NRCAM: variants seen among roughly 807,000 people sequenced by gnomAD.
NRCAM encodes the protein NgCAM-related cell adhesion molecule.
NRCAM carries 83 observed loss-of-function variants against 156.5 expected under a neutral mutation model. The ratio of observed to expected loss-of-function variants is 0.53; its 90% CI spans 0.44 to 0.64. NRCAM has a LOEUF of 0.64. NRCAM is among the 30% of genes least tolerant of loss of function. The pLI is 0.00. For missense variants in NRCAM, 1,417 were observed against 1,597.3 expected, an observed-to-expected ratio of 0.89 and a Z score of 1.92; for synonymous variants, 538 against 563.9, an observed-to-expected ratio of 0.95 and a Z score of 0.65.
At chr7:108,348,441 G>A (rs2099386047) in intron 2 of NRCAM, among the ~76,000 whole-genome samples, 1 of 152,178 alleles carries the variant, frequency 6.6e-6, no homozygotes, top group Non-Finnish European at 1.5e-5. Context: ...TCCTTGGGCA[G>A]GGAACAGGAG....
intron 11 of NRCAM, among the ~76,000 whole-genome samples, chr7:108,223,414 G>A (rs1011319661): frequency 7.2e-5 from 11 of 151,998 alleles, no homozygotes; most frequent in African/African-American, 2.7e-4. Context: ...CAGTCACAAG[G>A]TGATTACTGA....
intron 1 of NRCAM, among the ~76,000 whole-genome samples, chr7:108,403,686 A>T (rs1260750636): frequency 6.6e-6 from 1 of 152,208 alleles, no homozygotes; most frequent in Non-Finnish European, 1.5e-5. Flanking sequence ...AAATGAGGCC[A>T]TAGTTGAGAT....
chr7:108,236,651 G>A (rs2095047632), intron 5 of NRCAM, among the ~76,000 whole-genome samples: 1 of 152,130 alleles, frequency 6.6e-6, no homozygotes, highest in African/African-American at 2.4e-5. Flanking sequence ...AAAATTCTCA[G>A]TGTATACCAA....
chr7:108,208,230 C>T (rs187245406), intron 12 of NRCAM, among the ~76,000 whole-genome samples: 5 of 151,928 alleles, frequency 3.3e-5, no homozygotes, highest in South Asian at 2.1e-4. Flanking sequence ...TGCTTGAACC[C>T]GGGAGGTGGA....
chr7:108,209,375 C>T (rs2082857724), intron 12 of NRCAM, 46 bp downstream of exon 12: 3 of 1,289,426 alleles, frequency 2.3e-6, no homozygotes, highest in Non-Finnish European at 3.2e-6. Context: ...ATTAAAGTTT[C>T]AGGGTCTCTC....
intron 3 of NRCAM, among the ~76,000 whole-genome samples, chr7:108,301,549 T>C (rs1270666952): frequency 6.6e-6 from 1 of 152,144 alleles, no homozygotes; most frequent in Admixed American, 6.5e-5. Context: ...CCTCTGACCA[T>C]CCCATCTCAT....
intron 30 of NRCAM, among the ~76,000 whole-genome samples, chr7:108,164,138 T>G (rs1323767980): frequency 8.3e-5 from 4 of 48,234 alleles, no homozygotes; most frequent in East Asian, 4.6e-4. Context: ...TCATACCGGG[T>G]GGGGTGGCGG....
chr7:108,398,397 C>T (rs2099782946), intron 2 of NRCAM, among the ~76,000 whole-genome samples: 1 of 152,158 alleles, frequency 6.6e-6, no homozygotes, highest in African/African-American at 2.4e-5. Flanking sequence ...CGCTCTCCCC[C>T]ATATAATTAC....
chr7:108,361,523 T>G (rs2099550906), intron 2 of NRCAM, among the ~76,000 whole-genome samples: 2 of 152,200 alleles, frequency 1.3e-5, no homozygotes, highest in South Asian at 4.1e-4. Flanking sequence ...GTCTGACAGT[T>G]TTTGAATTGG....
chr7:108,335,762 A>G (rs1416626510), intron 2 of NRCAM, among the ~76,000 whole-genome samples: 1 of 152,056 alleles, frequency 6.6e-6, no homozygotes, highest in Non-Finnish European at 1.5e-5. Flanking sequence ...TCGTATCTCA[A>G]ATTACATTCC....
intron 2 of NRCAM, among the ~76,000 whole-genome samples, chr7:108,331,132 C>T (rs571419847): frequency 6.6e-6 from 1 of 152,310 alleles, no homozygotes; most frequent in East Asian, 1.9e-4. Flanking sequence ...GGCGTAATGG[C>T]TCGTGCCTAT....
chr7:108,425,895 C>G (rs146495849), intron 1 of NRCAM, among the ~76,000 whole-genome samples: 34 of 152,328 alleles, frequency 2.2e-4, no homozygotes, highest in African/African-American at 7.7e-4. Context: ...GACTTCCTCT[C>G]AAGAGGGCTC....
intron 1 of NRCAM, among the ~76,000 whole-genome samples, chr7:108,434,612 G>A (rs1373246366): frequency 6.6e-6 from 1 of 151,710 alleles, no homozygotes; most frequent in East Asian, 1.9e-4. Context: ...TGTAAGAGCT[G>A]GGAGAAGACT....
intron 2 of NRCAM, among the ~76,000 whole-genome samples, chr7:108,360,527 A>T (rs1309822897): frequency 6.6e-6 from 1 of 152,240 alleles, no homozygotes; most frequent in African/African-American, 2.4e-5. Flanking sequence ...AAAGAGACCC[A>T]GAATAGCCAA....
rs75032333 is a variant in NRCAM at position 108,171,206 on chromosome 7, T to G, written c.3188-2804A>C. On this transcript the variant is annotated intron_variant, in intron 28 of 32. Transcript: ENST00000379028. ...CCCAACGGACTGCTTCCGGTGTGCC[T>G]CGCCCAACTGTAAGTCTTCCTCTGT... 3.8e-3 allele frequency among the ~76,000 whole-genome samples: 586 copies of G among 152,296 alleles called. 25 individuals are homozygous for G. The East Asian group carries it at 0.098, about 25-fold the overall frequency.
intron 1 of NRCAM, among the ~76,000 whole-genome samples, chr7:108,454,840 T>A (rs1325798859): frequency 6.6e-6 from 1 of 152,216 alleles, no homozygotes; most frequent in Non-Finnish European, 1.5e-5. Context: ...CCCGCACTTC[T>A]GAGCGTTAAC....
chr7:108,225,601 C>A, intron 10 of NRCAM, 44 bp downstream of exon 10: 1 of 1,225,306 alleles, frequency 8.2e-7, no homozygotes, highest in South Asian at 1.2e-5. Flanking sequence ...GAACTAAATT[C>A]TACAATGAAG....
intron 1 of NRCAM, among the ~76,000 whole-genome samples, chr7:108,440,403 G>A (rs1837242632): frequency 6.6e-6 from 1 of 151,844 alleles, no homozygotes; most frequent in Non-Finnish European, 1.5e-5. Flanking sequence ...GAATTAAGCC[G>A]AGGACTTAAG....
chr7:108,178,459 T>C (rs2061824098), intron 25 of NRCAM: 1 of 372,768 alleles, frequency 2.7e-6, no homozygotes, highest in South Asian at 2.2e-5. Flanking sequence ...AGTGAAACTA[T>C]TCTAACTGGA....
Sources: gnomAD v4.1 joint callset for allele counts (sites outside exome capture counted in the v4.1 genomes callset) on GRCh38, gnomAD v4.1.1 for gene constraint, MANE v1.5 for transcripts, NCBI Gene and HGNC (gene_info 2026-07-23, HGNC 2026-07-21) for gene names.